Variants in FBXL17 observed in about 807,000 individuals in gnomAD.
FBXL17 encodes the protein F-box and leucine rich repeat protein 17, also known as F-box/LRR-repeat protein 17.
In FBXL17, 22 loss-of-function variants were observed where a neutral mutation model predicts 66.2. The ratio of observed to expected loss-of-function variants is 0.33; its 90% CI spans 0.24 to 0.47. FBXL17 has a LOEUF of 0.47. FBXL17 is among the 20% of genes least tolerant of loss of function. The probability of loss-of-function intolerance (pLI) is 1.00; values close to 1 mark genes in which losing one functional copy is unlikely to be tolerated. For synonymous variants in FBXL17, 474 were observed against 400.5 expected, an observed-to-expected ratio of 1.18 and a Z score of -2.19; for missense variants, 878 against 948.2, an observed-to-expected ratio of 0.93 and a Z score of 0.97.
chr5:107,910,295 T>G (rs980692522), intron 7 of FBXL17, among the ~76,000 whole-genome samples: 3 of 152,118 alleles, frequency 2.0e-5, no homozygotes, highest in African/African-American at 7.2e-5. Context: ...TCTTAAAAAC[T>G]TAATGAGTGA....
At chr5:107,969,113 A>G (rs901346403) in intron 7 of FBXL17, among the ~76,000 whole-genome samples, 1 of 152,270 alleles carries the variant, frequency 6.6e-6, no homozygotes, top group African/African-American at 2.4e-5. Context: ...TCCCAGTGCA[A>G]TGACACAGTG....
intron 4 of FBXL17, among the ~76,000 whole-genome samples, chr5:108,333,880 G>C (rs188172149): frequency 3.9e-5 from 6 of 152,224 alleles, no homozygotes; most frequent in African/African-American, 1.4e-4. Flanking sequence ...AAATTACTTA[G>C]TGAGGTAACT....
At chr5:108,214,012 C>T (rs867625294) in intron 5 of FBXL17, among the ~76,000 whole-genome samples, 2 of 152,252 alleles carry the variant, frequency 1.3e-5, no homozygotes, top group African/African-American at 2.4e-5. Flanking sequence ...TCACTTTCCA[C>T]GAGTGGTACC....
At chr5:108,018,691 A>T (rs1418162131) in intron 7 of FBXL17, among the ~76,000 whole-genome samples, 1 of 152,122 alleles carries the variant, frequency 6.6e-6, no homozygotes, top group Non-Finnish European at 1.5e-5. Flanking sequence ...AGAGCTTGAG[A>T]GCTGGAGGGA....
intron 5 of FBXL17, among the ~76,000 whole-genome samples, chr5:108,223,751 C>T (rs896491449): frequency 4.6e-5 from 7 of 152,144 alleles, no homozygotes; most frequent in Admixed American, 1.3e-4. Flanking sequence ...ATAATATGCA[C>T]TGACCATATT....
At chr5:108,313,099 G>A (rs994696266) in intron 4 of FBXL17, among the ~76,000 whole-genome samples, 1 of 152,016 alleles carries the variant, frequency 6.6e-6, no homozygotes, top group Admixed American at 6.6e-5. Context: ...CTGCTCTTGG[G>A]TCATCTTTAC....
chr5:108,002,314 G>A (rs6882485), intron 7 of FBXL17, among the ~76,000 whole-genome samples: 17,138 of 150,690 alleles, frequency 0.11, 1,038 homozygotes, highest in East Asian at 0.16. Flanking sequence ...ACAAGCCACC[G>A]CGCCCAGTCG....
intron 6 of FBXL17, among the ~76,000 whole-genome samples, chr5:108,057,997 A>C (rs1747776506): frequency 6.6e-6 from 1 of 152,224 alleles, no homozygotes; most frequent in Admixed American, 6.5e-5. Flanking sequence ...TCCCAAGGCC[A>C]ACAATATTCT....
chr5:108,313,658 T>C (rs1759226979), intron 4 of FBXL17, among the ~76,000 whole-genome samples: 1 of 152,020 alleles, frequency 6.6e-6, no homozygotes, highest in Non-Finnish European at 1.5e-5. Flanking sequence ...TATTATGATA[T>C]TCTATTGTCT....
chr5:108,293,708 A>G (rs1174972742), intron 4 of FBXL17, among the ~76,000 whole-genome samples: 1 of 152,158 alleles, frequency 6.6e-6, no homozygotes, highest in African/African-American at 2.4e-5. Context: ...TGCAGAAATT[A>G]TTTAAGAACA....
At chr5:108,059,963 T>A (rs1747858648) in intron 6 of FBXL17, among the ~76,000 whole-genome samples, 1 of 150,922 alleles carries the variant, frequency 6.6e-6, no homozygotes, top group African/African-American at 2.4e-5. Context: ...TAAATATATA[T>A]AAATATACAC....
chr5:108,187,040 A>G (rs1753267017), intron 5 of FBXL17, among the ~76,000 whole-genome samples: 1 of 152,158 alleles, frequency 6.6e-6, no homozygotes, highest in Admixed American at 6.5e-5. Flanking sequence ...TGTACTCCAA[A>G]CTGTACTATT....
At chr5:108,373,761 T>C (rs183207831) in intron 1 of FBXL17, among the ~76,000 whole-genome samples, 1 of 151,464 alleles carries the variant, frequency 6.6e-6, no homozygotes, top group Non-Finnish European at 1.5e-5. Flanking sequence ...ACAAAAAAAA[T>C]GACAAAATTA....
At chr5:108,373,361 T>C (rs1749190812) in intron 1 of FBXL17, among the ~76,000 whole-genome samples, 1 of 46,122 alleles carries the variant, frequency 2.2e-5, no homozygotes, top group Non-Finnish European at 4.4e-5. Flanking sequence ...TCTAAATATA[T>C]ATTAATATAA....
At chr5:107,938,781 T>C (rs1750994191) in intron 7 of FBXL17, among the ~76,000 whole-genome samples, 1 of 152,172 alleles carries the variant, frequency 6.6e-6, no homozygotes. Context: ...AGCCAGATGC[T>C]TCACTTTTAT....
chr5:108,148,203 T>A (rs1751633488), intron 6 of FBXL17, among the ~76,000 whole-genome samples: 1 of 152,180 alleles, frequency 6.6e-6, no homozygotes, highest in Admixed American at 6.5e-5. Context: ...ATTGATTACC[T>A]ATATATTTTG....
intron 7 of FBXL17, among the ~76,000 whole-genome samples, chr5:107,992,987 C>G (rs1753317790): frequency 6.6e-6 from 1 of 152,072 alleles, no homozygotes; most frequent in Non-Finnish European, 1.5e-5. Context: ...GCTCCACCTC[C>G]CAGGTTCACG....
At chr5:108,025,202 A>C (rs895329197) in intron 6 of FBXL17, among the ~76,000 whole-genome samples, 3 of 152,142 alleles carry the variant, frequency 2.0e-5, no homozygotes, top group African/African-American at 7.2e-5. Flanking sequence ...TAAAGAAGCT[A>C]ATTGGAGCTG....
At chr5:108,301,484 T>C (rs1758585536) in intron 4 of FBXL17, among the ~76,000 whole-genome samples, 1 of 151,826 alleles carries the variant, frequency 6.6e-6, no homozygotes, top group Non-Finnish European at 1.5e-5. Context: ...CACTTGCAGC[T>C]ACATTTCTAA....
Sources: gnomAD v4.1 joint callset for allele counts (sites outside exome capture counted in the v4.1 genomes callset) on GRCh38, gnomAD v4.1.1 for gene constraint, MANE v1.5 for transcripts, NCBI Gene and HGNC (gene_info 2026-07-23, HGNC 2026-07-21) for gene names.